The following SH3RF3 variants were observed in gnomAD, a reference collection of about 807,000 sequenced individuals.
SH3RF3 encodes the protein E3 ubiquitin-protein ligase SH3RF3.
A neutral mutation model predicts 66.3 loss-of-function variants in SH3RF3; 29 were observed. The observed-to-expected ratio is 0.44, with a 90% CI of 0.33 to 0.60. The LOEUF (loss-of-function observed/expected upper bound fraction) is 0.60, where lower values mean the gene tolerates loss of function less well. SH3RF3 is among the 20% of genes least tolerant of loss of function. The probability of loss-of-function intolerance (pLI) is 0.04; values close to 1 mark genes in which losing one functional copy is unlikely to be tolerated. For synonymous variants in SH3RF3, 583 were observed against 532.0 expected (o/e 1.10, Z -1.32); for missense variants, 1,194 against 1,190.9 (o/e 1.00, Z -0.04).
At chr2:109,228,682 A>G (rs1679430587) in intron 1 of SH3RF3, among the ~76,000 whole-genome samples, 1 of 152,150 alleles carries the variant, frequency 6.6e-6, no homozygotes, top group Non-Finnish European at 1.5e-5. Context: ...AGTGGAGGGC[A>G]TGATAAAAGA....
intron 2 of SH3RF3, among the ~76,000 whole-genome samples, chr2:109,357,382 C>T (rs944954282): frequency 3.3e-5 from 5 of 152,138 alleles, no homozygotes; most frequent in Admixed American, 1.3e-4. Flanking sequence ...GAGGTTTCAC[C>T]GTGTTAGCCA....
At chr2:109,361,491 T>C (rs751502916) in intron 2 of SH3RF3, among the ~76,000 whole-genome samples, 5 of 152,222 alleles carry the variant, frequency 3.3e-5, no homozygotes, top group Non-Finnish European at 5.9e-5. Flanking sequence ...TTTCTTTTTT[T>C]AAAATGGAGT....
intron 1 of SH3RF3, among the ~76,000 whole-genome samples, chr2:109,178,792 A>G (rs1677993311): frequency 6.6e-6 from 1 of 152,200 alleles, no homozygotes; most frequent in Non-Finnish European, 1.5e-5. Flanking sequence ...CTCTGGCAGC[A>G]CAAAATGTTT....
At chr2:109,224,069 A>G (rs1014354968) in intron 1 of SH3RF3, among the ~76,000 whole-genome samples, 1 of 152,248 alleles carries the variant, frequency 6.6e-6, no homozygotes, top group Non-Finnish European at 1.5e-5. Context: ...AAGAGCTGGA[A>G]TAGCTTCAGG....
intron 1 of SH3RF3, among the ~76,000 whole-genome samples, chr2:109,246,340 T>C (rs11892390): frequency 0.045 from 6,816 of 152,268 alleles, 430 homozygotes; most frequent in African/African-American, 0.14. Flanking sequence ...GCCTTCTCAC[T>C]GTGTCCTCCC....
chr2:109,312,956 A>G (rs1681766805), intron 1 of SH3RF3, among the ~76,000 whole-genome samples: 1 of 152,204 alleles, frequency 6.6e-6, no homozygotes, highest in Non-Finnish European at 1.5e-5. Context: ...TGTTTTCCAC[A>G]GCAGCCCTTG....
At chr2:109,315,139 T>C (rs1681843894) in intron 1 of SH3RF3, among the ~76,000 whole-genome samples, 1 of 152,272 alleles carries the variant, frequency 6.6e-6, no homozygotes, top group Admixed American at 6.5e-5. Flanking sequence ...AAACCTGTTT[T>C]ACTTTACTGA....
chr2:109,457,182 T>C (rs746408631), intron 8 of SH3RF3, among the ~76,000 whole-genome samples: 1 of 152,206 alleles, frequency 6.6e-6, no homozygotes, highest in African/African-American at 2.4e-5. Flanking sequence ...ATGCATAACA[T>C]AGTATTTAGA....
chr2:109,486,899 C>T (rs570542441), intron 8 of SH3RF3, among the ~76,000 whole-genome samples: 8 of 152,204 alleles, frequency 5.3e-5, no homozygotes, highest in African/African-American at 1.7e-4. Context: ...TCAGAGCAAA[C>T]GAGACGTTTT....
Position 109,356,864 on chromosome 2 carries a change from G to A in SH3RF3, c.849+8915G>A, listed in dbSNP as rs111796309. Among the ~76,000 whole-genome samples the A allele has an allele frequency of 7.2e-5, 11 of 152,124 alleles. 1 individual carries two copies. Among genetic ancestry groups the A allele is most frequent in the South Asian group, 6.3e-4 (3 of 4,800 alleles). ...TGTCAAAGCTTAAAGACATGATCAC[G>A]GCCCCCACAGCGCTCTCACTTCCCA... On this transcript the variant is annotated intron_variant, in intron 2 of 9. Coordinates refer to ENST00000309415, the MANE Select transcript of SH3RF3 (RefSeq NM_001099289.3).
Position 109,456,577 on chromosome 2 carries a change from G to C in SH3RF3, c.2148+7088G>C, listed in dbSNP as rs532616579. 1.1e-4 allele frequency among the ~76,000 whole-genome samples: 16 copies of C among 152,320 alleles called. No individual in the cohort carries two copies. In the South Asian group the frequency reaches 2.3e-3, roughly 22 times the overall value. ...AGCAGAGGTCAGTGGTGGCCTGGAG[G>C]CTTCTCTTGTTATCTGCGCCCTCCC... On this transcript the variant is annotated intron_variant, in intron 8 of 9. Transcript: ENST00000309415.
intron 8 of SH3RF3, among the ~76,000 whole-genome samples, chr2:109,470,776 A>G (rs1437234485): frequency 6.6e-6 from 1 of 152,244 alleles, no homozygotes; most frequent in African/African-American, 2.4e-5. Flanking sequence ...TCCACAGGCC[A>G]CAGCTTAGAG....
At chr2:109,355,942 G>A (rs891675767) in intron 2 of SH3RF3, among the ~76,000 whole-genome samples, 2 of 152,216 alleles carry the variant, frequency 1.3e-5, no homozygotes, top group African/African-American at 4.8e-5. Context: ...ATCTAGCCAT[G>A]AAAAGTTGCC....
chr2:109,207,605 T>A (rs541507379), intron 1 of SH3RF3, among the ~76,000 whole-genome samples: 1 of 152,314 alleles, frequency 6.6e-6, no homozygotes, highest in Non-Finnish European at 1.5e-5. Context: ...AAAATAAAGA[T>A]GCAATGGAGC....
At chr2:109,224,509 AC>A (rs1272589775) in intron 1 of SH3RF3, among the ~76,000 whole-genome samples, 1 of 152,202 alleles carries the variant, frequency 6.6e-6, no homozygotes, top group Non-Finnish European at 1.5e-5. Context: ...GCGACCAGCC[AC>A]AGGTGACTAC....
chr2:109,296,845 G>A (rs888335468), intron 1 of SH3RF3, among the ~76,000 whole-genome samples: 6 of 152,256 alleles, frequency 3.9e-5, no homozygotes, highest in East Asian at 1.9e-4. Context: ...CCCCCAAGGC[G>A]TCTCACCTCC....
intron 1 of SH3RF3, among the ~76,000 whole-genome samples, chr2:109,148,169 G>A (rs1321440165): frequency 1.3e-5 from 2 of 152,250 alleles, no homozygotes; most frequent in East Asian, 1.9e-4. Flanking sequence ...TGTTCTTACC[G>A]ATGGTGGAAA....
At chr2:109,480,182 C>T (rs939229728) in intron 8 of SH3RF3, among the ~76,000 whole-genome samples, 4 of 152,208 alleles carry the variant, frequency 2.6e-5, no homozygotes, top group Non-Finnish European at 5.9e-5. Flanking sequence ...GAAAAGAAGG[C>T]GTTGTGCCCA....
At chr2:109,264,133 C>T (rs911279180) in intron 1 of SH3RF3, among the ~76,000 whole-genome samples, 33 of 152,094 alleles carry the variant, frequency 2.2e-4, no homozygotes, top group African/African-American at 7.7e-4. Flanking sequence ...CCAGGATCCA[C>T]CTCGAGTCTG....
Sources: allele counts gnomAD v4.1 joint callset (sites outside exome capture counted in the v4.1 genomes callset), GRCh38; gene constraint gnomAD v4.1.1; transcripts MANE v1.5; gene names NCBI Gene and HGNC (gene_info 2026-07-23, HGNC 2026-07-21).